LHFPL6: variants seen among roughly 807,000 people sequenced by gnomAD.
LHFPL6 encodes LHFPL tetraspan subfamily member 6, also known as LHFPL tetraspan subfamily member 6 protein.
In LHFPL6, 9 loss-of-function variants were observed where a neutral mutation model predicts 20.6. That is an observed-to-expected ratio of 0.44 (90% CI 0.26 to 0.76). The LOEUF is 0.76. LHFPL6 is among the 30% of genes least tolerant of loss of function. The pLI, the probability that LHFPL6 is intolerant of heterozygous loss-of-function variation, is 0.20. For missense variants in LHFPL6, 218 were observed against 253.5 expected (o/e 0.86, Z 0.95); for synonymous variants, 105 against 98.7 (o/e 1.06, Z -0.38).
intron 3 of LHFPL6, among the ~76,000 whole-genome samples, chr13:39,359,444 A>C (rs1288291443): frequency 7.9e-5 from 12 of 152,154 alleles, no homozygotes; most frequent in Admixed American, 7.9e-4. Context: ...TTGGGTAAAG[A>C]AAATATACAA....
chr13:39,528,137 C>A (rs1428232361), intron 2 of LHFPL6, among the ~76,000 whole-genome samples: 3 of 152,130 alleles, frequency 2.0e-5, no homozygotes, highest in African/African-American at 7.2e-5. Context: ...CACTATGATT[C>A]ATGCCAGCTC....
At chr13:39,397,253 G>A (rs1870867200) in intron 2 of LHFPL6, among the ~76,000 whole-genome samples, 1 of 152,076 alleles carries the variant, frequency 6.6e-6, no homozygotes, top group Non-Finnish European at 1.5e-5. Flanking sequence ...AAGAGACATA[G>A]ATAGAGGCTC....
At chr13:39,383,828 G>A (rs539236262) in intron 2 of LHFPL6, among the ~76,000 whole-genome samples, 1 of 152,328 alleles carries the variant, frequency 6.6e-6, no homozygotes, top group African/African-American at 2.4e-5. Flanking sequence ...GCAGCCAGGG[G>A]CAAGCCTTTC....
chr13:39,391,606 C>G (rs935207229), intron 2 of LHFPL6, among the ~76,000 whole-genome samples: 4 of 152,094 alleles, frequency 2.6e-5, no homozygotes, highest in African/African-American at 9.7e-5. Flanking sequence ...TTTCTACTAA[C>G]TTCTACTAAC....
intron 3 of LHFPL6, among the ~76,000 whole-genome samples, chr13:39,349,671 A>T (rs565141819): frequency 6.6e-6 from 1 of 152,368 alleles, no homozygotes; most frequent in South Asian, 2.1e-4. Flanking sequence ...AAAATCCAGG[A>T]TGCGAAGGCA....
intron 2 of LHFPL6, among the ~76,000 whole-genome samples, chr13:39,555,681 T>C (rs1216903359): frequency 6.6e-6 from 1 of 152,194 alleles, no homozygotes; most frequent in Admixed American, 6.5e-5. Flanking sequence ...ACATAGCATA[T>C]AACACGTTTA....
intron 2 of LHFPL6, among the ~76,000 whole-genome samples, chr13:39,590,185 C>A (rs1872556339): frequency 6.6e-6 from 1 of 152,142 alleles, no homozygotes; most frequent in Admixed American, 6.5e-5. Context: ...TAATCACCTG[C>A]TTCACTGAGG....
chr13:39,487,264 A>T (rs1360852723), intron 2 of LHFPL6, among the ~76,000 whole-genome samples: 1 of 152,212 alleles, frequency 6.6e-6, no homozygotes, highest in East Asian at 1.9e-4. Flanking sequence ...AGAGATAAAA[A>T]AGAAATTCTT....
chr13:39,558,841 A>C (rs1456822754), intron 2 of LHFPL6, among the ~76,000 whole-genome samples: 3 of 152,072 alleles, frequency 2.0e-5, no homozygotes, highest in Non-Finnish European at 4.4e-5. Context: ...TTTAAATACC[A>C]CTCTGTTTGC....
intron 2 of LHFPL6, among the ~76,000 whole-genome samples, chr13:39,542,040 G>A (rs540973250): frequency 1.3e-5 from 2 of 151,018 alleles, no homozygotes; most frequent in East Asian, 2.0e-4. Context: ...GCAGTGAGCC[G>A]AGATCATGCC....
At chr13:39,344,980 T>C (rs1277751452) in intron 3 of LHFPL6, among the ~76,000 whole-genome samples, 1 of 152,240 alleles carries the variant, frequency 6.6e-6, no homozygotes, top group Non-Finnish European at 1.5e-5. Context: ...TCTTTCTTAA[T>C]GACATCCAAG....
chr13:39,450,276 A>G (rs1473442542), intron 2 of LHFPL6, among the ~76,000 whole-genome samples: 2 of 152,232 alleles, frequency 1.3e-5, no homozygotes, highest in Non-Finnish European at 2.9e-5. Flanking sequence ...CTTAAAAAGC[A>G]CAATAGTCTG....
intron 2 of LHFPL6, among the ~76,000 whole-genome samples, chr13:39,496,215 C>T (rs1319535124): frequency 6.6e-6 from 1 of 152,144 alleles, no homozygotes; most frequent in Admixed American, 6.5e-5. Flanking sequence ...GGAAGTCCAA[C>T]ATGAAGGTGG....
intron 2 of LHFPL6, among the ~76,000 whole-genome samples, chr13:39,539,637 C>A (rs564468098): frequency 8.5e-5 from 13 of 152,160 alleles, no homozygotes; most frequent in Non-Finnish European, 2.9e-5. Context: ...AATTAATCAG[C>A]GTAAGGCATA....
intron 2 of LHFPL6, among the ~76,000 whole-genome samples, chr13:39,459,194 ATGTGTG>A (rs58955444): frequency 0.22 from 29,869 of 135,862 alleles, 3,084 homozygotes; most frequent in Middle Eastern, 0.31. Context: ...AAGTTCCTTA[ATGTGTG>A]TGTGTGTGTG....
chr13:39,477,299 C>A (rs1040073400), intron 2 of LHFPL6, among the ~76,000 whole-genome samples: 1 of 152,202 alleles, frequency 6.6e-6, no homozygotes, highest in Non-Finnish European at 1.5e-5. Flanking sequence ...ACAGTCAGAG[C>A]TACCCTATTT....
intron 2 of LHFPL6, among the ~76,000 whole-genome samples, chr13:39,582,924 A>T (rs1167807362): frequency 6.6e-6 from 1 of 152,194 alleles, no homozygotes; most frequent in African/African-American, 2.4e-5. Flanking sequence ...AACTGGGTTA[A>T]AAGTATATAT....
intron 3 of LHFPL6, among the ~76,000 whole-genome samples, chr13:39,376,316 A>C (rs573293101): frequency 6.6e-6 from 1 of 152,230 alleles, no homozygotes; most frequent in Non-Finnish European, 1.5e-5. Flanking sequence ...TTCCAAAAAA[A>C]AGCTGGCAGT....
intron 2 of LHFPL6, among the ~76,000 whole-genome samples, chr13:39,434,658 G>A (rs1003210168): frequency 1.3e-5 from 2 of 152,168 alleles, no homozygotes; most frequent in Non-Finnish European, 2.9e-5. Context: ...ACTTTAGCAT[G>A]AGTCATGGTT....
Sources: gnomAD v4.1 joint callset for allele counts (sites outside exome capture counted in the v4.1 genomes callset) on GRCh38, gnomAD v4.1.1 for gene constraint, MANE v1.5 for transcripts, NCBI Gene and HGNC (gene_info 2026-07-23, HGNC 2026-07-21) for gene names.